The following CDH18 variants were observed in gnomAD, a reference collection of about 807,000 sequenced individuals.
CDH18 encodes cadherin 18, also known as cadherin-18.
A neutral mutation model predicts 67.9 loss-of-function variants in CDH18; 31 were observed. That is an observed-to-expected ratio of 0.46 (90% CI 0.34 to 0.62). CDH18 has a LOEUF of 0.62. CDH18 is among the 20% of genes least tolerant of loss of function. The probability of loss-of-function intolerance (pLI) is 0.01; values close to 1 mark genes in which losing one functional copy is unlikely to be tolerated. For missense variants in CDH18, 890 were observed against 975.5 expected (o/e 0.91, Z 1.17); for synonymous variants, 362 against 347.2 (o/e 1.04, Z -0.48).
At chr5:20,368,789 C>A (rs1400720287) in intron 1 of CDH18, among the ~76,000 whole-genome samples, 1 of 152,142 alleles carries the variant, frequency 6.6e-6, no homozygotes, top group Non-Finnish European at 1.5e-5. Flanking sequence ...CAAGTCCTAT[C>A]CTGGAAGCTG....
At chr5:20,140,115 A>G (rs1327834024) in intron 2 of CDH18, among the ~76,000 whole-genome samples, 1 of 152,182 alleles carries the variant, frequency 6.6e-6, no homozygotes, top group Non-Finnish European at 1.5e-5. Context: ...TGGCACATAT[A>G]CACTATGGAT....
chr5:19,728,991 C>G (rs1251470361), intron 4 of CDH18, among the ~76,000 whole-genome samples: 1 of 152,066 alleles, frequency 6.6e-6, no homozygotes, highest in East Asian at 1.9e-4. Context: ...AGTATTAACT[C>G]AAGTCACTGA....
At chr5:19,921,514 T>C (rs1342883141) in intron 2 of CDH18, among the ~76,000 whole-genome samples, 5 of 138,982 alleles carry the variant, frequency 3.6e-5, no homozygotes, top group Admixed American at 2.2e-4. Context: ...CTGGGCAACA[T>C]AGCGAGACTC....
intron 1 of CDH18, among the ~76,000 whole-genome samples, chr5:20,301,210 T>G (rs1162363761): frequency 6.6e-6 from 1 of 152,248 alleles, no homozygotes; most frequent in African/African-American, 2.4e-5. Context: ...TTTGTTTTAC[T>G]TTTCATTTAT....
intron 1 of CDH18, among the ~76,000 whole-genome samples, chr5:20,302,986 T>A (rs1247992477): frequency 1.3e-5 from 2 of 151,520 alleles, no homozygotes; most frequent in Non-Finnish European, 3.0e-5. Context: ...ACATATGGAA[T>A]CTTACTCTTA....
At chr5:20,220,351 A>C (rs899338676) in intron 2 of CDH18, among the ~76,000 whole-genome samples, 2 of 152,044 alleles carry the variant, frequency 1.3e-5, no homozygotes, top group African/African-American at 4.8e-5. Context: ...ATTTTTGACA[A>C]AGTTGTCAAA....
At chr5:20,401,166 C>A (rs902067517) in intron 1 of CDH18, among the ~76,000 whole-genome samples, 1 of 152,052 alleles carries the variant, frequency 6.6e-6, no homozygotes, top group Non-Finnish European at 1.5e-5. Context: ...AAATAATATT[C>A]CCGATGTTGA....
chr5:20,344,273 A>C (rs1740522494), intron 1 of CDH18, among the ~76,000 whole-genome samples: 1 of 152,120 alleles, frequency 6.6e-6, no homozygotes, highest in African/African-American at 2.4e-5. Context: ...ATGCTTGTGA[A>C]ATTTGCCTTA....
intron 1 of CDH18, among the ~76,000 whole-genome samples, chr5:20,523,199 C>T (rs987369342): frequency 1.3e-5 from 2 of 152,122 alleles, no homozygotes; most frequent in Admixed American, 1.3e-4. Context: ...TTTACTAATG[C>T]TAGGAAAACG....
At chr5:20,507,485 G>T (rs1203998853) in intron 1 of CDH18, among the ~76,000 whole-genome samples, 1 of 152,156 alleles carries the variant, frequency 6.6e-6, no homozygotes, top group Admixed American at 6.6e-5. Flanking sequence ...TAGAGATGTA[G>T]TTATGGATAT....
At chr5:20,282,971 A>G (rs1394227348) in intron 1 of CDH18, among the ~76,000 whole-genome samples, 1 of 152,146 alleles carries the variant, frequency 6.6e-6, no homozygotes, top group Non-Finnish European at 1.5e-5. Context: ...CCGTACATCT[A>G]CAGTGAACTT....
chr5:19,673,409 C>T (rs947976389), intron 5 of CDH18, among the ~76,000 whole-genome samples: 1 of 151,814 alleles, frequency 6.6e-6, no homozygotes, highest in African/African-American at 2.4e-5. Flanking sequence ...TGTTATAGTT[C>T]TAGACTATAT....
intron 11 of CDH18, among the ~76,000 whole-genome samples, chr5:19,490,392 C>CTTTTTTTTTTTTTT (rs1561183202): frequency 5.0e-5 from 2 of 40,306 alleles, no homozygotes; most frequent in African/African-American, 2.1e-4. Flanking sequence ...ATATAAAAAT[C>CTTTTTTTTTTTTTT]TGTTTTTTTT....
chr5:19,881,506 C>CT lies in CDH18; in HGVS notation c.-256-42265dup, dbSNP rs559703821. Among the ~76,000 whole-genome samples the CT allele has an allele frequency of 7.7e-3, 943 of 121,910 alleles. 9 individuals are homozygous for CT. Among genetic ancestry groups the CT allele is most frequent in the East Asian group, 0.023 (94 of 4,120 alleles). 80.0% of individuals were successfully genotyped at this position (121,910 alleles called of 152,430 possible). A position where few individuals can be genotyped will look rare whatever the true frequency, so the allele number is the denominator to read the frequency against. ...TGACAAATACCCAGCTCTTCAAGTG[C>CT]TTTTTTTTTTTTTTTTTTTAAGATG... On this transcript the variant is annotated intron_variant, in intron 2 of 12. Transcript: ENST00000382275.
At chr5:20,280,010 C>T (rs1561935170) in intron 1 of CDH18, among the ~76,000 whole-genome samples, 1 of 151,916 alleles carries the variant, frequency 6.6e-6, no homozygotes, top group Admixed American at 6.6e-5. Context: ...ATTGAAATTA[C>T]ATCAAAGTTA....
rs1561215781 is a variant in CDH18 at position 19,748,131 on chromosome 5, A to AAAAAAAAAAAAAAAAAAAAAAAAT, written c.229-896_229-895insATTTTTTTTTTTTTTTTTTTTTTT. On this transcript the variant is annotated intron_variant, in intron 3 of 12. Coordinates refer to ENST00000382275, the MANE Select transcript of CDH18 (RefSeq NM_004934.5). The stretch of plus-strand genomic sequence containing the variant: ...CCATCTCAAAAAAAAAAAAAAAAAA[A>AAAAAAAAAAAAAAAAAAAAAAAAT]AAGAGTACTTTTTTAGGGATAGAGT... Among the ~76,000 whole-genome samples, 2 of 144,534 alleles carry AAAAAAAAAAAAAAAAAAAAAAAAT rather than the reference A, an allele frequency of 1.4e-5. 1 individual carries two copies. Among genetic ancestry groups the AAAAAAAAAAAAAAAAAAAAAAAAT allele is most frequent in the Non-Finnish European group, 3.0e-5 (2 of 65,986 alleles). The allele number at this position is 144,534 out of a possible 152,430, so 94.8% of individuals were successfully genotyped here.
intron 9 of CDH18, among the ~76,000 whole-genome samples, chr5:19,527,872 C>A (rs1747986974): frequency 6.6e-6 from 1 of 151,628 alleles, no homozygotes; most frequent in Admixed American, 6.6e-5. Flanking sequence ...GCCTATAAAT[C>A]CTCCAATAAT....
chr5:19,912,401 T>G (rs1791252481), intron 2 of CDH18, among the ~76,000 whole-genome samples: 1 of 152,096 alleles, frequency 6.6e-6, no homozygotes, highest in Non-Finnish European at 1.5e-5. Context: ...GACATGTTTC[T>G]CTGAAACAGA....
rs563616839 is a variant in CDH18 at position 20,192,258 on chromosome 5, T to C, written c.-518+63186A>G. On this transcript the variant is annotated intron_variant, in intron 2 of 14. Coordinates refer to the CDH18 transcript ENST00000507958. ...TTGTAAATTCTGGATAATAGATCTT[T>C]GTCATATGGGTAGATTGCAAAATTT... 3.9e-5 allele frequency among the ~76,000 whole-genome samples: 6 copies of C among 152,158 alleles called. No homozygotes were observed. In the South Asian group the frequency reaches 1.2e-3, roughly 32 times the overall value.
Sources: allele counts gnomAD v4.1 joint callset (sites outside exome capture counted in the v4.1 genomes callset), GRCh38; gene constraint gnomAD v4.1.1; transcripts MANE v1.5; gene names NCBI Gene and HGNC (gene_info 2026-07-23, HGNC 2026-07-21).